The following ZZEF1 variants were observed in gnomAD, a reference collection of about 807,000 sequenced individuals.
ZZEF1 encodes zinc finger ZZ-type and EF-hand domain containing 1.
Under a neutral mutation model 342.8 loss-of-function variants are expected in ZZEF1, and 157 were observed. The ratio of observed to expected loss-of-function variants is 0.46; its 90% CI spans 0.40 to 0.52. The LOEUF (loss-of-function observed/expected upper bound fraction) is 0.52. Ranked by LOEUF, ZZEF1 falls within the 20% of genes least tolerant of loss-of-function variation. The pLI, the probability that ZZEF1 is intolerant of heterozygous loss-of-function variation, is 0.00. For missense variants in ZZEF1, 3,480 were observed against 3,725.6 expected (o/e 0.93, Z 1.72); for synonymous variants, 1,505 against 1,429.1 (o/e 1.05, Z -1.20).
intron 11 of ZZEF1, among the ~76,000 whole-genome samples, chr17:4,092,803 T>A (rs780659189): frequency 6.6e-6 from 1 of 151,978 alleles, no homozygotes; most frequent in Non-Finnish European, 1.5e-5. Context: ...TGGCAGGGTA[T>A]CAGAGAACAG....
At chr17:4,052,341 G>A (rs1031491631) in intron 34 of ZZEF1, among the ~76,000 whole-genome samples, 5 of 152,196 alleles carry the variant, frequency 3.3e-5, no homozygotes, top group African/African-American at 1.2e-4. Flanking sequence ...GAATTTCTCG[G>A]CAATGGTACA....
In ZZEF1 at chr17:4,051,950, C is replaced by A. The variant is rs777711283; in HGVS notation, c.5600+21G>T. 9 of 1,596,558 alleles carry A rather than the reference C, an allele frequency of 5.6e-6. No homozygotes were observed. The South Asian group carries it at 6.7e-5, about 12-fold the overall frequency. On this transcript the variant is annotated intron_variant, in intron 35 of 54. Coordinates refer to ENST00000381638, the MANE Select transcript of ZZEF1 (RefSeq NM_015113.4). ...AACGTGTAAATAAAAGGCTTGGTGG[C>A]GACGGTCACTTGAGACATACCCGTA...
intron 37 of ZZEF1, among the ~76,000 whole-genome samples, chr17:4,048,050 C>T (rs2056963430): frequency 6.6e-6 from 1 of 152,118 alleles, no homozygotes; most frequent in African/African-American, 2.4e-5. Flanking sequence ...CGGGGAAGCA[C>T]AGTGCTTATG....
In ZZEF1 at chr17:4,109,741, T is replaced by C. The variant is rs1163608652; in HGVS notation, c.1189A>G (p.Ile397Val). Residue 397 changes from isoleucine (I) to valine (V), a missense_variant, in exon 6 of 55, where the codon ATA becomes GTA. Ile to Val is a conservative substitution (Grantham distance 29, BLOSUM62 3). Coordinates refer to ENST00000381638, the MANE Select transcript of ZZEF1 (RefSeq NM_015113.4). ...GATGTCAGCAGAGACCAATACCATA[T>C]TGCAGAAGCATCTGAGACTGAGACC... ...SGVSVSDASAIWYWSLLTSLV... is the reference protein window; with the variant it reads ...SGVSVSDASAVWYWSLLTSLV... 1.9e-6 allele frequency: 3 copies of C among 1,614,164 alleles called. No homozygotes were observed. The highest frequency in any genetic ancestry group is 1.6e-4 in the Middle Eastern group (1 of 6,062).
At chr17:4,023,194 G>C (rs1013201804) in intron 43 of ZZEF1, among the ~76,000 whole-genome samples, 5 of 152,118 alleles carry the variant, frequency 3.3e-5, no homozygotes, top group Non-Finnish European at 7.4e-5. Flanking sequence ...CGCGTGTAAT[G>C]CTCTGTCCAG....
At chr17:4,020,950 T>C (rs2056253050) in intron 45 of ZZEF1, among the ~76,000 whole-genome samples, 179 bp downstream of exon 45, 2 of 152,246 alleles carry the variant, frequency 1.3e-5, no homozygotes, top group Non-Finnish European at 2.9e-5. Flanking sequence ...ACTATTGTTG[T>C]GGGGCTTTTC....
At position 4,051,042 on chromosome 17, in the gene ZZEF1, G is replaced by A. The variant is rs748810486; in HGVS notation, c.5602C>T (p.His1868Tyr). 6.2e-7 allele frequency: 1 copy of A among 1,614,150 alleles called. No homozygotes were observed. Among genetic ancestry groups the A allele is most frequent in the South Asian group, 1.1e-5 (1 of 91,084 alleles). Reference sequence around the variant, plus strand: ...GCCGTGATGCTGTGGGTAGGCAAATGGCTGCAAAGGCAAGACACATTTAAA... The same window carrying A: ...GCCGTGATGCTGTGGGTAGGCAAATAGCTGCAAAGGCAAGACACATTTAAA... Reference protein sequence around the residue: ...CYAAKKYSYGHLPTHSITAHP... With the variant: ...CYAAKKYSYGYLPTHSITAHP... The change falls in exon 36 of 55, where the codon CAT becomes TAT. Residue 1868 changes from histidine (H) to tyrosine (Y), a missense_variant and splice_region_variant. By Grantham distance (83) the His-to-Tyr change is moderately conservative (BLOSUM62 2). Transcript: ENST00000381638.
intron 1 of ZZEF1, among the ~76,000 whole-genome samples, chr17:4,132,879 T>C (rs2058689893): frequency 6.6e-6 from 1 of 151,888 alleles, no homozygotes; most frequent in South Asian, 2.1e-4. Flanking sequence ...GGCAGGAGAA[T>C]GGCATGAACC....
chr17:4,011,544 G>GT lies in ZZEF1; in HGVS notation c.8580-1788dup, dbSNP rs894700318. Reference sequence around the variant, plus strand: ...CTCTGCTGAGAGAATGAACTGAGGGGTTTTTTTTTTGTGTGTGTGTGTGTT... The same window carrying GT: ...CTCTGCTGAGAGAATGAACTGAGGGGTTTTTTTTTTTGTGTGTGTGTGTGTT... On this transcript the variant is annotated intron_variant, in intron 52 of 54. Coordinates refer to ENST00000381638, the MANE Select transcript of ZZEF1 (RefSeq NM_015113.4). 9.1e-4 allele frequency among the ~76,000 whole-genome samples: 135 copies of GT among 148,054 alleles called. 1 individual carries two copies. In the East Asian group the frequency reaches 9.6e-3, roughly 11 times the overall value.
chr17:4,109,528 A>G, intron 6 of ZZEF1, 125 bp downstream of exon 6: 1 of 934,372 alleles, frequency 1.1e-6, no homozygotes. Context: ...ACACTAGGGC[A>G]CCTGAGGCCG....
chr17:4,120,979 G>C (rs776140678), intron 2 of ZZEF1, among the ~76,000 whole-genome samples: 14 of 152,192 alleles, frequency 9.2e-5, no homozygotes, highest in Non-Finnish European at 1.9e-4. Flanking sequence ...ACGAAGGTTA[G>C]AAACTAAAAA....
chr17:4,018,823 T>C (rs2056186431), intron 46 of ZZEF1, among the ~76,000 whole-genome samples: 1 of 151,908 alleles, frequency 6.6e-6, no homozygotes, highest in African/African-American at 2.4e-5. Flanking sequence ...TCTACTGGAC[T>C]AATGGTGCAC....
In ZZEF1 at chr17:4,116,971, C is replaced by T; in HGVS notation, c.694+1G>A. The T allele has an allele frequency of 6.2e-7, 1 of 1,603,378 alleles. No homozygotes were observed. Among genetic ancestry groups the T allele is most frequent in the Non-Finnish European group, 8.5e-7 (1 of 1,172,526 alleles). On this transcript the variant is annotated splice_donor_variant, in intron 3 of 54. Transcript: ENST00000381638. LOFTEE classifies it high-confidence loss of function. ...TCAGGAGAACCCCCACACACACATA[C>T]CCTTTTCCTTTTGTACCAGCTGATC...
Position 4,034,211 on chromosome 17 carries a change from T to C in ZZEF1, c.6388A>G (p.Asn2130Asp). The change falls in exon 40 of 55, where the codon AAT (asparagine) becomes GAT (aspartate). Residue 2130 changes from asparagine to aspartate, a missense_variant. By Grantham distance (23) the Asn-to-Asp change is conservative. Transcript: ENST00000381638. ...QVVISNAGHL[N>D]ETYHLTLGLL... ...CCCAGGGTGAGATGGTAGGTTTCAT[T>C]CAGGTGGCCTGCGTTTGAGATGACA... 1 of 1,614,172 alleles carries C rather than the reference T, an allele frequency of 6.2e-7. No individual in the cohort carries two copies. The highest frequency in any genetic ancestry group is 8.5e-7 in the Non-Finnish European group (1 of 1,180,026).
intron 32 of ZZEF1, 146 bp from the exon 33 acceptor site, chr17:4,056,491 C>T: frequency 1.3e-6 from 1 of 791,592 alleles, no homozygotes; most frequent in Non-Finnish European, 1.8e-6. Flanking sequence ...TTCAAAGCCC[C>T]AGGATTTGTC....
rs1309028042 is a variant in ZZEF1 at position 4,006,420 on chromosome 17, G to C, written c.*470C>G. 2 of 231,328 alleles carry C rather than the reference G, an allele frequency of 8.6e-6. No individual in the cohort carries two copies. The highest frequency in any genetic ancestry group is 4.7e-5 in the African/African-American group (2 of 42,584). 14.3% of individuals were successfully genotyped at this position (231,328 alleles called of 1,614,324 possible). On this transcript the variant is annotated 3_prime_UTR_variant, in exon 55 of 55. Coordinates refer to ENST00000381638, the MANE Select transcript of ZZEF1 (RefSeq NM_015113.4). ...AGGGGCTCTCGCCAGTTTTGGTTTG[G>C]TGTGAAAAGCAAAGAGGTGCTCCCA... is the stretch of plus-strand genomic sequence containing the variant.
chr17:4,099,249 G>A (rs144630311), intron 9 of ZZEF1, among the ~76,000 whole-genome samples: 2,339 of 152,110 alleles, frequency 0.015, 41 homozygotes, highest in African/African-American at 0.051. Context: ...TTTAGACACA[G>A]GGTCTCGCTC....
At chr17:4,011,350 G>A (rs1433407340) in intron 52 of ZZEF1, among the ~76,000 whole-genome samples, 1 of 151,920 alleles carries the variant, frequency 6.6e-6, no homozygotes. Flanking sequence ...GCCTCAGTGA[G>A]TTGAGATGGT....
Position 4,112,049 on chromosome 17 carries a change from T to C in ZZEF1, c.1066+560A>G, listed in dbSNP as rs1452338563. ...TCCTGTCTAAATATATATATATATA[T>C]ATATATATATATATATATATATATA... On this transcript the variant is annotated intron_variant, in intron 5 of 54. Coordinates refer to ENST00000381638, the MANE Select transcript of ZZEF1 (RefSeq NM_015113.4). Among the ~76,000 whole-genome samples, 2 of 26,744 alleles carry C rather than the reference T, an allele frequency of 7.5e-5. 1 individual carries two copies. Among genetic ancestry groups the C allele is most frequent in the African/African-American group, 5.1e-4 (2 of 3,922 alleles). The allele number at this position is 26,744 out of a possible 152,430, so 17.5% of individuals were successfully genotyped here.
Sources: allele counts gnomAD v4.1 joint callset (sites outside exome capture counted in the v4.1 genomes callset), GRCh38; gene constraint gnomAD v4.1.1; transcripts MANE v1.5; gene names NCBI Gene and HGNC (gene_info 2026-07-23, HGNC 2026-07-21).